The following GLS variants were observed in gnomAD, a reference collection of about 807,000 sequenced individuals.
GLS encodes the protein glutaminase, also known as glutaminase kidney isoform, mitochondrial.
Under a neutral mutation model 86.7 loss-of-function variants are expected in GLS, and 36 were observed. The ratio of observed to expected loss-of-function variants is 0.42; its 90% CI spans 0.32 to 0.55. GLS has a LOEUF of 0.55. GLS is among the 20% of genes least tolerant of loss of function. The pLI, the probability that GLS is intolerant of heterozygous loss-of-function variation, is 0.17. For missense variants in GLS, 528 were observed against 833.4 expected (o/e 0.63, Z 4.51); for synonymous variants, 317 against 305.9 (o/e 1.04, Z -0.38).
chr2:190,957,809 CA>C (rs1199029118), intron 17 of GLS, among the ~76,000 whole-genome samples: 1 of 151,484 alleles, frequency 6.6e-6, no homozygotes, highest in Admixed American at 6.6e-5. Flanking sequence ...TTCAGTTTGC[CA>C]GTAGTTTATT....
rs1455150135 is a variant in GLS, at chr2:190,920,894, A to T, written c.1039-130A>T. The T allele has an allele frequency of 1.7e-6, 1 of 573,310 alleles. No homozygotes were observed. The highest frequency in any genetic ancestry group is 3.2e-6 in the Non-Finnish European group (1 of 316,626). 35.5% of individuals were successfully genotyped at this position (573,310 alleles called of 1,614,324 possible). On this transcript the variant is annotated intron_variant, in intron 7 of 17. Coordinates refer to ENST00000320717, the MANE Select transcript of GLS (RefSeq NM_014905.5). The surrounding 1 kb of genome is among the most constrained non-coding windows in gnomAD (Gnocchi z 4.2). ...TTATATAAATGTTAAATTACTTTAG[A>T]ACTATTTCCTAGATTTAAAAATACT... is the stretch of plus-strand genomic sequence containing the variant.
In GLS at chr2:190,954,384, A is replaced by G. The variant is rs2124949576; in HGVS notation, c.1713-200A>G. On this transcript the variant is annotated intron_variant, in intron 15 of 17. Coordinates refer to ENST00000320717, the MANE Select transcript of GLS (RefSeq NM_014905.5). This position sits in a 1 kb window ranked among gnomAD's most constrained non-coding sequence, Gnocchi z 4.0. ...TAACATTTAATCTTACCTAAAAAAA[A>G]GCAAAGCTGAGGAAGAGAGGTGAAG... Among the ~76,000 whole-genome samples the G allele has an allele frequency of 6.6e-6, 1 of 152,294 alleles. No homozygotes were observed. The highest frequency in any genetic ancestry group is 3.4e-3 in the Middle Eastern group (1 of 294).
chr2:190,959,689 A>G (rs1245954923), intron 17 of GLS, among the ~76,000 whole-genome samples: 1 of 152,218 alleles, frequency 6.6e-6, no homozygotes, highest in Non-Finnish European at 1.5e-5. Flanking sequence ...TGGTGAGGAC[A>G]GTGATTGCTG....
Position 190,954,429 on chromosome 2 carries a change from C to T in GLS, c.1713-155C>T, listed in dbSNP as rs1276536506. 6.6e-6 allele frequency among the ~76,000 whole-genome samples: 1 copy of T among 152,146 alleles called. No individual in the cohort carries two copies. The highest frequency in any genetic ancestry group is 1.9e-4 in the East Asian group (1 of 5,198). On this transcript the variant is annotated intron_variant, in intron 15 of 17. Coordinates refer to ENST00000320717, the MANE Select transcript of GLS (RefSeq NM_014905.5). This position sits in a 1 kb window ranked among gnomAD's most constrained non-coding sequence, Gnocchi z 4.0. ...GTGAAGTGGCATCTACCCAAAACAC[C>T]TGTGTACTGGTTAATAAGGTCGGTA...
Position 190,960,359 on chromosome 2 carries a change from A to ATTT in GLS, c.1854-2451_1854-2449dup, listed in dbSNP as rs770419477. On this transcript the variant is annotated intron_variant, in intron 17 of 17. Transcript: ENST00000320717. ...TTGTGTTTCTGTTTATTAAGCTTCA[A>ATTT]TTTTTTTTTTTTTTTTTTTTTTGAG... Among the ~76,000 whole-genome samples, 797 of 101,346 alleles carry ATTT rather than the reference A, an allele frequency of 7.9e-3. 16 individuals carry two copies. The highest frequency in any genetic ancestry group is 0.032 in the East Asian group (130 of 4,050). 66.5% of individuals were successfully genotyped at this position (101,346 alleles called of 152,430 possible).
rs958799510 is a variant in GLS, at chr2:190,938,135, A to G, written c.1650+6498A>G. Among the ~76,000 whole-genome samples, 1 of 151,378 alleles carries G rather than the reference A, an allele frequency of 6.6e-6. No homozygotes were observed. The highest frequency in any genetic ancestry group is 2.4e-5 in the African/African-American group (1 of 41,390). ...GTATTTATTTTTAAGCCATATTTCA[A>G]TATCTGAGGATATGATTTTTCTGTA... is the stretch of plus-strand genomic sequence containing the variant. On this transcript the variant is annotated intron_variant, in intron 14 of 17. Transcript: ENST00000320717. The surrounding 1 kb of genome is among the most constrained non-coding windows in gnomAD (Gnocchi z 4.1).
intron 5 of GLS, 110 bp from the exon 6 acceptor site, chr2:190,904,894 A>G (rs1049448337): frequency 5.7e-6 from 4 of 696,308 alleles, no homozygotes; most frequent in African/African-American, 5.4e-5. Flanking sequence ...TGGTTGAATT[A>G]TGGGAAAATT....
rs1357321055 is a variant in GLS, at chr2:190,943,777, G to A, written c.1651-9788G>A. Among the ~76,000 whole-genome samples the A allele has an allele frequency of 6.6e-6, 1 of 152,196 alleles. No homozygotes were observed. Among genetic ancestry groups the A allele is most frequent in the Non-Finnish European group, 1.5e-5 (1 of 68,014 alleles). On this transcript the variant is annotated intron_variant, in intron 14 of 17. Coordinates refer to ENST00000320717, the MANE Select transcript of GLS (RefSeq NM_014905.5). The surrounding 1 kb of genome is among the most constrained non-coding windows in gnomAD (Gnocchi z 4.5). ...AACATACTGTTATTACACCTCTTCT[G>A]TGAGTATGCTCCATAAAGCACACAT...
chr2:190,907,808 T>C (rs999628561), intron 6 of GLS, among the ~76,000 whole-genome samples: 2 of 152,212 alleles, frequency 1.3e-5, no homozygotes, highest in Non-Finnish European at 2.9e-5. Flanking sequence ...ATAACTTTTC[T>C]GACTACAGGA....
chr2:190,928,554 C>T (rs192170726), intron 12 of GLS, among the ~76,000 whole-genome samples: 25 of 151,892 alleles, frequency 1.6e-4, no homozygotes, highest in East Asian at 3.9e-4. Context: ...AGGCTGTTCT[C>T]GAACTCCTGA....
rs1416116147 is a variant in GLS at position 190,880,903 on chromosome 2, G to C, written c.-182G>C. On this transcript the variant is annotated 5_prime_UTR_variant, in exon 1 of 18. Coordinates refer to ENST00000320717, the MANE Select transcript of GLS (RefSeq NM_014905.5). ...AGCAGCAGCAGCAGCAGCAGCAGCA[G>C]CAGCAGCAGCAGCAGCACCCGCATC... 2 of 785,678 alleles carry C rather than the reference G, an allele frequency of 2.5e-6. No homozygotes were observed. Among genetic ancestry groups the C allele is most frequent in the South Asian group, 1.5e-5 (1 of 68,114 alleles). The allele number at this position is 785,678 out of a possible 1,614,324, so 48.7% of individuals were successfully genotyped here.
At chr2:190,883,560 A>G (rs1688278297) in intron 1 of GLS, among the ~76,000 whole-genome samples, 1 of 152,236 alleles carries the variant, frequency 6.6e-6, no homozygotes, top group Non-Finnish European at 1.5e-5. Context: ...ACACATAACT[A>G]TTTATTAAAT....
rs1690821675 is a variant in GLS at position 190,954,937 on chromosome 2, T to C, written c.1853+119T>C. ...TTCTTGAACCTGCTATGATATCTTA[T>C]AAAGGCAATAAACCTTGTTTCTACT... is the stretch of plus-strand genomic sequence containing the variant. On this transcript the variant is annotated intron_variant, in intron 17 of 17. Transcript: ENST00000320717. This position sits in a 1 kb window ranked among gnomAD's most constrained non-coding sequence, Gnocchi z 4.0. 3.0e-6 allele frequency: 2 copies of C among 673,244 alleles called. No individual in the cohort carries two copies. Among genetic ancestry groups the C allele is most frequent in the Admixed American group, 3.0e-5 (1 of 33,376 alleles). The allele number at this position is 673,244 out of a possible 1,614,324, so 41.7% of individuals were successfully genotyped here.
rs1313044364 is a variant in GLS, at chr2:190,921,690, AT to A, written c.1130+490del. 1.3e-5 allele frequency among the ~76,000 whole-genome samples: 2 copies of A among 151,880 alleles called. No individual in the cohort carries two copies. The highest frequency in any genetic ancestry group is 2.9e-5 in the Non-Finnish European group (2 of 67,850). On this transcript the variant is annotated intron_variant, in intron 9 of 17. Coordinates refer to ENST00000320717, the MANE Select transcript of GLS (RefSeq NM_014905.5). The surrounding 1 kb of genome is among the most constrained non-coding windows in gnomAD (Gnocchi z 4.2). ...TACATAGATTTTTTTTCCCTAAACCATTTCAAATTAAGTTGCAGGCATCATA... is the reference window on the plus strand; with the variant it reads ...TACATAGATTTTTTTTCCCTAAACCATTCAAATTAAGTTGCAGGCATCATA...
Position 190,921,144 on chromosome 2 carries a change from G to T in GLS, c.1072-1G>T. 1 of 1,606,364 alleles carries T rather than the reference G, an allele frequency of 6.2e-7. No individual in the cohort carries two copies. Among genetic ancestry groups the T allele is most frequent in the Non-Finnish European group, 8.5e-7 (1 of 1,173,578 alleles). ...TAATATTCCCTACTTTTGGTTTCTA[G>T]GTCATGCAGTTTTTGAATAAGATGG... On this transcript the variant is annotated splice_acceptor_variant, in intron 8 of 17. Transcript: ENST00000320717. LOFTEE classifies it high-confidence loss of function. This position sits in a 1 kb window ranked among gnomAD's most constrained non-coding sequence, Gnocchi z 4.2.
At chr2:190,942,921 C>T (rs1247265020) in intron 14 of GLS, among the ~76,000 whole-genome samples, 1 of 152,126 alleles carries the variant, frequency 6.6e-6, no homozygotes, top group Non-Finnish European at 1.5e-5. Context: ...TCACGCCTAT[C>T]AACTTAGAGT....
rs74909402 is a variant in GLS, at chr2:190,955,135, A to T, written c.1853+317A>T. On this transcript the variant is annotated intron_variant, in intron 17 of 17. Transcript: ENST00000320717. This position sits in a 1 kb window ranked among gnomAD's most constrained non-coding sequence, Gnocchi z 5.6. ...TTATCCTCATGGATTTTAAAAAAAA[A>T]ATTTTTAAATTACACTTTAAGTTCT... Among the ~76,000 whole-genome samples the T allele has an allele frequency of 0.088, 13,311 of 150,416 alleles. 1,092 individuals are homozygous for T. Among genetic ancestry groups the T allele is most frequent in the Admixed American group, 0.25 (3,813 of 15,136 alleles).
rs1302007058 is a variant in GLS, at chr2:190,935,098, ACATTT to A, written c.1650+3467_1650+3471del. On this transcript the variant is annotated intron_variant, in intron 14 of 17. Coordinates refer to ENST00000320717, the MANE Select transcript of GLS (RefSeq NM_014905.5). The surrounding 1 kb of genome is among the most constrained non-coding windows in gnomAD (Gnocchi z 4.2). ...TTTCTTTCTTTTTTTGGCATCATTA[ACATTT>A]CATTTGAAATGCATATTGTTCTTGA... 4 of 943,808 alleles carry A rather than the reference ACATTT, an allele frequency of 4.2e-6. No individual in the cohort carries two copies. The highest frequency in any genetic ancestry group is 5.0e-6 in the Non-Finnish European group (4 of 792,362). The allele number at this position is 943,808 out of a possible 1,614,324, so 58.5% of individuals were successfully genotyped here.
chr2:190,941,502 A>G (rs937024699), intron 14 of GLS, among the ~76,000 whole-genome samples: 6 of 152,066 alleles, frequency 3.9e-5, no homozygotes, highest in Non-Finnish European at 7.4e-5. Context: ...TTCTTTAAAA[A>G]ATATTTCAGC....
Sources: gnomAD v4.1 joint callset for allele counts (sites outside exome capture counted in the v4.1 genomes callset) on GRCh38, gnomAD v4.1.1 for gene constraint, Gnocchi (gnomAD v3.1) non-coding constraint, MANE v1.5 for transcripts, NCBI Gene and HGNC (gene_info 2026-07-23, HGNC 2026-07-21) for gene names.